The following HEATR4 variants were observed in gnomAD, a reference collection of about 807,000 sequenced individuals.
HEATR4 encodes the protein HEAT repeat containing 4.
HEATR4 carries 95 observed loss-of-function variants against 108.8 expected under a neutral mutation model. That is an observed-to-expected ratio of 0.87 (90% CI 0.74 to 1.04). HEATR4 has a LOEUF of 1.04. Ranked by LOEUF, HEATR4 falls within the 50% of genes least tolerant of loss-of-function variation. HEATR4 has a pLI of 0.00. For missense variants in HEATR4, 1,152 were observed against 1,253.8 expected (o/e 0.92, Z 1.23); for synonymous variants, 443 against 459.4 (o/e 0.96, Z 0.46).
At chr14:73,513,759 G>T (rs1242033912) in intron 6 of HEATR4, among the ~76,000 whole-genome samples, 2 of 91,902 alleles carry the variant, frequency 2.2e-5, no homozygotes, top group Non-Finnish European at 2.3e-5. Flanking sequence ...AAAAAAAAAT[G>T]GTCTCTGCCT....
chr14:73,613,044 A>G, the HEATR4 span: 3,047 of 752,506 alleles, frequency 4.0e-3, 77 homozygotes, highest in African/African-American at 0.051. Context: ...TAGTCTGCCC[A>G]GAATTTGGTC....
the HEATR4 span, among the ~76,000 whole-genome samples, chr14:73,601,993 T>C: frequency 7.3e-5 from 11 of 151,304 alleles, no homozygotes; most frequent in Non-Finnish European, 1.3e-4. Context: ...CAGGCTGGAG[T>C]GCAGTGGTGT....
chr14:73,618,368 C>T, the HEATR4 span, among the ~76,000 whole-genome samples: 5 of 146,284 alleles, frequency 3.4e-5, 1 homozygote, highest in African/African-American at 1.4e-4. Flanking sequence ...AGGCCCTAAG[C>T]CTCTTTTCTG....
the HEATR4 span, among the ~76,000 whole-genome samples, chr14:73,603,268 T>G: frequency 6.6e-6 from 1 of 152,250 alleles, no homozygotes; most frequent in African/African-American, 2.4e-5. Context: ...CTTAAATAAT[T>G]TGGCAAACCT....
chr14:73,499,255 C>T (rs533042346), intron 12 of HEATR4, 115 bp from the exon 13 acceptor site: 11 of 854,002 alleles, frequency 1.3e-5, no homozygotes, highest in South Asian at 6.7e-5. Context: ...CCAAGGTGGG[C>T]GGATCACTTG....
At chr14:73,548,661 A>G (rs1046230821) in intron 1 of HEATR4, among the ~76,000 whole-genome samples, 1 of 115,420 alleles carries the variant, frequency 8.7e-6, no homozygotes. Flanking sequence ...GATGAAAGGA[A>G]ACTCATATGC....
the HEATR4 span, chr14:73,569,312 T>G: frequency 6.2e-7 from 1 of 1,613,930 alleles, no homozygotes; most frequent in Non-Finnish European, 8.5e-7. Context: ...TGGCCTCATC[T>G]CCTGCTGTCC....
At chr14:73,508,751 C>CAA (rs770608293) in intron 8 of HEATR4, among the ~76,000 whole-genome samples, 10,391 of 57,686 alleles carry the variant, frequency 0.18, 1,226 homozygotes, top group East Asian at 0.33. Flanking sequence ...AACTCTGTCT[C>CAA]AAAAAAAAAA....
At chr14:73,500,888 G>A (rs573891643) in intron 11 of HEATR4, among the ~76,000 whole-genome samples, 158 bp from the exon 12 acceptor site, 5 of 152,294 alleles carry the variant, frequency 3.3e-5, no homozygotes, top group Admixed American at 6.5e-5. Context: ...TACAGAGCTC[G>A]ATTGTCTTCT....
chr14:73,555,793 G>A lies in HEATR4; in HGVS notation c.-152+2958C>T, dbSNP rs1165305806. On this transcript the variant is annotated intron_variant, in intron 1 of 17. Coordinates refer to ENST00000553558, the MANE Select transcript of HEATR4 (RefSeq NM_001220484.1). ...GAGGCGGGTGGATCACCCAAGGTCA[G>A]GAGTTCGAGACCAGCCAGCCTGATC... is the stretch of plus-strand genomic sequence containing the variant. Among the ~76,000 whole-genome samples, 3 of 113,750 alleles carry A rather than the reference G, an allele frequency of 2.6e-5. 1 individual carries two copies. Among genetic ancestry groups the A allele is most frequent in the African/African-American group, 8.5e-5 (3 of 35,220 alleles). 74.6% of individuals were successfully genotyped at this position (113,750 alleles called of 152,430 possible). A position where few individuals can be genotyped will look rare whatever the true frequency, so the allele number is the denominator to read the frequency against.
the HEATR4 span, among the ~76,000 whole-genome samples, chr14:73,610,573 T>G: frequency 1.3e-4 from 20 of 152,096 alleles, no homozygotes; most frequent in Admixed American, 9.2e-4. Flanking sequence ...TTACAGGCAT[T>G]AGCCACCGTG....
At chr14:73,525,690 C>T (rs1399448885) in intron 2 of HEATR4, among the ~76,000 whole-genome samples, 5 of 152,152 alleles carry the variant, frequency 3.3e-5, no homozygotes, top group East Asian at 3.9e-4. Flanking sequence ...CGGTGGCTCA[C>T]GTCAGTAATC....
chr14:73,592,196 GC>G, the HEATR4 span: 1 of 1,611,168 alleles, frequency 6.2e-7, no homozygotes. Flanking sequence ...AGCCCATGGG[GC>G]TGCTCTGGGC....
intron 1 of HEATR4, chr14:73,541,343 CGAACACA>C: frequency 1.4e-6 from 1 of 704,718 alleles, no homozygotes; most frequent in South Asian, 1.8e-5. Flanking sequence ...AGTTTCTGGA[CGAACACA>C]GGTTTTCATT....
intron 16 of HEATR4, among the ~76,000 whole-genome samples, chr14:73,494,109 G>A (rs1376283329): frequency 6.6e-6 from 1 of 152,164 alleles, no homozygotes; most frequent in African/African-American, 2.4e-5. Context: ...ATGAAGGAAG[G>A]CTACTGTTCA....
Position 73,516,147 on chromosome 14 carries a change from CAA to C in HEATR4, c.1211-1915_1211-1914del, listed in dbSNP as rs149945107. ...AGCCATCTTCCACATCAACAGTCAT[CAA>C]AAAAAAAAAAAAAAAAAAAAAAAAG... On this transcript the variant is annotated intron_variant, in intron 5 of 17. Transcript: ENST00000553558. 2.2e-4 allele frequency among the ~76,000 whole-genome samples: 2 copies of C among 9,158 alleles called. 1 individual carries two copies. The highest frequency in any genetic ancestry group is 3.1e-4 in the Non-Finnish European group (2 of 6,520). The allele number at this position is 9,158 out of a possible 152,430, so 6.0% of individuals were successfully genotyped here.
chr14:73,489,502 A>G (rs999730695), intron 17 of HEATR4, among the ~76,000 whole-genome samples: 5 of 152,196 alleles, frequency 3.3e-5, no homozygotes, highest in Non-Finnish European at 7.3e-5. Flanking sequence ...CTTGGAAGGC[A>G]GTTTGGTAAA....
At chr14:73,590,286 C>T in the HEATR4 span, among the ~76,000 whole-genome samples, 9 of 152,196 alleles carry the variant, frequency 5.9e-5, no homozygotes, top group Non-Finnish European at 1.2e-4. Context: ...TAGCTAGATA[C>T]AGAGTGCCGA....
At chr14:73,479,028 T>A (rs1307065503) in intron 17 of HEATR4, among the ~76,000 whole-genome samples, 186 bp from the exon 18 acceptor site, 1 of 151,964 alleles carries the variant, frequency 6.6e-6, no homozygotes, top group Non-Finnish European at 1.5e-5. Context: ...AATCTCCGAC[T>A]CCCGGGTTCA....
Sources: allele counts gnomAD v4.1 joint callset (sites outside exome capture counted in the v4.1 genomes callset), GRCh38; gene constraint gnomAD v4.1.1; transcripts MANE v1.5; gene names NCBI Gene and HGNC (gene_info 2026-07-23, HGNC 2026-07-21).